The following PKD2 variants were observed in gnomAD, a reference collection of about 807,000 sequenced individuals.
PKD2 encodes the protein polycystin-2.
In PKD2, 48 loss-of-function variants were observed where a neutral mutation model predicts 105.9. The ratio of observed to expected loss-of-function variants is 0.45; its 90% confidence interval spans 0.36 to 0.58. The LOEUF is 0.58. Ranked by LOEUF, PKD2 falls within the 20% of genes least tolerant of loss-of-function variation. The probability of loss-of-function intolerance (pLI) is 0.00; values close to 1 mark genes in which losing one functional copy is unlikely to be tolerated. For synonymous variants in PKD2, 464 were observed against 481.1 expected, an observed-to-expected ratio of 0.96 and a Z score of 0.46; for missense variants, 1,078 against 1,255.3, an observed-to-expected ratio of 0.86 and a Z score of 2.13.
chr4:88,067,211 T>A (rs1274049523), intron 12 of PKD2, among the ~76,000 whole-genome samples: 2 of 152,168 alleles, frequency 1.3e-5, no homozygotes, highest in Non-Finnish European at 2.9e-5. Context: ...GCAGTTTGGA[T>A]TTTGGGTTTT....
In PKD2 at chr4:88,060,441, C is replaced by CATATATATAT. The variant is rs60801876; in HGVS notation, c.2020-1458_2020-1449dup. On this transcript the variant is annotated intron_variant, in intron 9 of 14. Transcript: ENST00000237596. ...TAAGTATTTACTAAGCCACTATATC[C>CATATATATAT]ATATATATATATATATCATATATAC... Among the ~76,000 whole-genome samples, 1,438 of 147,442 alleles carry CATATATATAT rather than the reference C, an allele frequency of 9.8e-3. 20 individuals carry two copies. The highest frequency in any genetic ancestry group is 0.046 in the Middle Eastern group (13 of 280).
Position 88,065,865 on chromosome 4 carries a change from T to C in PKD2, c.2344T>C (p.Leu782=). 2 of 1,604,836 alleles carry C rather than the reference T, an allele frequency of 1.2e-6. No individual in the cohort carries two copies. Among genetic ancestry groups the C allele is most frequent in the Non-Finnish European group, 1.7e-6 (2 of 1,171,472 alleles). The change falls in exon 12 of 15, where the codon TTG becomes CTG. Residue 782 remains leucine, a synonymous_variant. Transcript: ENST00000237596. ...TGAACATCAGCAGATGAGAGACGAC[T>C]TGGAGAAAGAGAGGGTGGGTCTGGT... ...EHEHQQMRDD[L]EKEREDLDLD... is the part of the protein sequence containing the mutation.
rs1030541539 is a variant in PKD2, at chr4:88,008,137, G to T, written c.404G>T (p.Gly135Val). Residue 135 changes from glycine (G) to valine (V), a missense_variant, in exon 1 of 15, where the codon GGC becomes GTC. By Grantham distance (109) the Gly-to-Val change is moderately radical. Coordinates refer to ENST00000237596, the MANE Select transcript of PKD2 (RefSeq NM_000297.4). ...SAASSAVSSV[G>V]ARSRGLGGYH... ...GCCTCCTCGGCCGTGAGCTCCGTGG[G>T]CGCGCGGAGCCGGGGGCTTGGGGGC... The T allele has an allele frequency of 1.5e-5, 23 of 1,488,154 alleles. No homozygotes were observed. The highest frequency in any genetic ancestry group is 8.6e-5 in the Admixed American group (4 of 46,352). 92.2% of individuals were successfully genotyped at this position (1,488,154 alleles called of 1,614,324 possible). A position where few individuals can be genotyped will look rare whatever the true frequency, so the allele number is the denominator to read the frequency against.
chr4:88,025,142 A>AAAAAG (rs1173825436), intron 2 of PKD2, among the ~76,000 whole-genome samples: 1 of 152,012 alleles, frequency 6.6e-6, no homozygotes, highest in East Asian at 1.9e-4. Context: ...TCTGTCTCAG[A>AAAAAG]AAAAGAAAAG....
At chr4:88,031,725 T>A (rs554247640) in intron 2 of PKD2, among the ~76,000 whole-genome samples, 45 of 152,362 alleles carry the variant, frequency 3.0e-4, no homozygotes, top group Non-Finnish European at 5.1e-4. Context: ...TGTCAAAGAT[T>A]GAAAGATACA....
chr4:88,039,602 T>C (rs1384038968), intron 4 of PKD2, among the ~76,000 whole-genome samples: 1 of 148,536 alleles, frequency 6.7e-6, no homozygotes, highest in Non-Finnish European at 1.5e-5. Flanking sequence ...GTGGTGGGGG[T>C]TGCAGTGAGC....
At chr4:88,062,534 T>C (rs1460132771) in intron 10 of PKD2, among the ~76,000 whole-genome samples, 2 of 152,242 alleles carry the variant, frequency 1.3e-5, no homozygotes, top group African/African-American at 4.8e-5. Flanking sequence ...CTTTTACTTA[T>C]GCACCTTCTC....
At chr4:88,018,465 C>T (rs978833840) in intron 1 of PKD2, among the ~76,000 whole-genome samples, 5 of 152,294 alleles carry the variant, frequency 3.3e-5, no homozygotes, top group Admixed American at 6.5e-5. Flanking sequence ...GGAATCAAAG[C>T]ATGAGACAAC....
intron 13 of PKD2, among the ~76,000 whole-genome samples, chr4:88,073,391 T>G (rs1456255054): frequency 6.6e-6 from 1 of 151,922 alleles, no homozygotes. Context: ...CTGGGCATGG[T>G]GGTGCACACC....
intron 1 of PKD2, among the ~76,000 whole-genome samples, chr4:88,008,734 T>C (rs1726289543): frequency 1.3e-5 from 2 of 151,606 alleles, no homozygotes; most frequent in African/African-American, 4.8e-5. Flanking sequence ...TAAAGGAAAA[T>C]GTTATAGTCA....
At chr4:88,045,752 A>G (rs917797459) in intron 5 of PKD2, among the ~76,000 whole-genome samples, 3 of 151,500 alleles carry the variant, frequency 2.0e-5, no homozygotes, top group African/African-American at 7.3e-5. Flanking sequence ...GTTTTAGACA[A>G]TCAGACATCT....
intron 13 of PKD2, among the ~76,000 whole-genome samples, chr4:88,070,033 T>C (rs1362277498): frequency 2.0e-5 from 3 of 152,250 alleles, no homozygotes; most frequent in African/African-American, 7.2e-5. Context: ...ATGTGGATTC[T>C]GATTACTATC....
intron 12 of PKD2, 75 bp downstream of exon 12, chr4:88,065,954 A>G (rs1720777016): frequency 1.2e-6 from 1 of 865,818 alleles, no homozygotes; most frequent in Non-Finnish European, 2.0e-6. Context: ...CTATAGAAGT[A>G]GTGGGTTATT....
At position 88,075,868 on chromosome 4, in the gene PKD2, G is replaced by T. The variant is rs187001642; in HGVS notation, c.*174G>T. On this transcript the variant is annotated 3_prime_UTR_variant, in exon 15 of 15. Coordinates refer to ENST00000237596, the MANE Select transcript of PKD2 (RefSeq NM_000297.4). ...ATATAAACTTTACCCATGGTTCAAA[G>T]ATTTTTTTTTCTTTTTCTCATATAA... 623 of 654,338 alleles carry T rather than the reference G, an allele frequency of 9.5e-4. 5 individuals carry two copies. The highest frequency in any genetic ancestry group is 3.1e-3 in the South Asian group (170 of 55,736). The allele number at this position is 654,338 out of a possible 1,614,324, so 40.5% of individuals were successfully genotyped here. A position where few individuals can be genotyped will look rare whatever the true frequency, so the allele number is the denominator to read the frequency against.
At chr4:88,026,047 G>T (rs755881379) in intron 2 of PKD2, among the ~76,000 whole-genome samples, 18 of 151,652 alleles carry the variant, frequency 1.2e-4, no homozygotes, top group Admixed American at 2.0e-4. Flanking sequence ...CAGAGACTTG[G>T]TACCAGGAGT....
At chr4:88,057,063 C>A (rs1720374858) in intron 8 of PKD2, among the ~76,000 whole-genome samples, 1 of 152,000 alleles carries the variant, frequency 6.6e-6, no homozygotes, top group South Asian at 2.1e-4. Context: ...AATCATAGCT[C>A]ACTGCAGCCT....
At chr4:88,053,882 A>G (rs1720210029) in intron 7 of PKD2, among the ~76,000 whole-genome samples, 1 of 152,172 alleles carries the variant, frequency 6.6e-6, no homozygotes, top group African/African-American at 2.4e-5. Context: ...ATGTATAGGC[A>G]TGGAACACTT....
intron 9 of PKD2, among the ~76,000 whole-genome samples, chr4:88,059,745 G>GTACGTACATACATACA (rs140132578): frequency 6.7e-6 from 1 of 150,108 alleles, no homozygotes; most frequent in Admixed American, 6.7e-5. Flanking sequence ...ACATACATAC[G>GTACGTACATACATACA]TACATACATA....
Position 88,036,264 on chromosome 4 carries a change from A to C in PKD2, c.754A>C (p.Met252Leu). The C allele has an allele frequency of 1.2e-6, 2 of 1,613,866 alleles. No individual in the cohort carries two copies. Among genetic ancestry groups the C allele is most frequent in the South Asian group, 1.1e-5 (1 of 91,076 alleles). ...MSSNVYYYTR[M>L]MSQLFLDTPV... Reference sequence around the variant, plus strand: ...CTCCAATGTGTACTACTACACCCGGATGATGTCACAGCTCTTCCTAGACAC... The same window carrying C: ...CTCCAATGTGTACTACTACACCCGGCTGATGTCACAGCTCTTCCTAGACAC... Residue 252 changes from methionine (M) to leucine (L), a missense_variant, in exon 3 of 15, where the codon ATG becomes CTG. Physicochemically the swap from Met to Leu is conservative, Grantham distance 15. Coordinates refer to ENST00000237596, the MANE Select transcript of PKD2 (RefSeq NM_000297.4).
Sources: gnomAD v4.1 joint callset for allele counts (sites outside exome capture counted in the v4.1 genomes callset) on GRCh38, gnomAD v4.1.1 for gene constraint, MANE v1.5 for transcripts, NCBI Gene and HGNC (gene_info 2026-07-23, HGNC 2026-07-21) for gene names.